Variants in XRN1 observed in about 807,000 individuals in gnomAD.
XRN1 encodes the protein 5'-3' exoribonuclease 1, also known as strand-exchange protein 1 homolog.
XRN1 carries 67 observed loss-of-function variants against 222.3 expected under a neutral mutation model. The observed-to-expected ratio is 0.30, with a 90% CI of 0.25 to 0.37. XRN1 has a LOEUF of 0.37. Ranked by LOEUF, XRN1 falls within the 10% of genes least tolerant of loss-of-function variation. The pLI, the probability that XRN1 is intolerant of heterozygous loss-of-function variation, is 1.00. For missense variants in XRN1, 1,707 were observed against 2,000.2 expected, an observed-to-expected ratio of 0.85 and a Z score of 2.80; for synonymous variants, 643 against 652.4, an observed-to-expected ratio of 0.99 and a Z score of 0.22.
intron 27 of XRN1, among the ~76,000 whole-genome samples, chr3:142,370,050 G>GAAAA (rs1163944480): frequency 2.9e-5 from 2 of 69,966 alleles, no homozygotes; most frequent in African/African-American, 3.9e-5. Flanking sequence ...CTGTCTCAAA[G>GAAAA]AAAAAAAAAA....
In XRN1 at chr3:142,373,544, T is replaced by C. The variant is rs188141650; in HGVS notation, c.2979-2216A>G. Among the ~76,000 whole-genome samples, 334 of 152,244 alleles carry C rather than the reference T, an allele frequency of 2.2e-3. 3 individuals are homozygous for C. Among genetic ancestry groups the C allele is most frequent in the Admixed American group, 4.2e-3 (64 of 15,288 alleles). On this transcript the variant is annotated intron_variant, in intron 25 of 40. Coordinates refer to ENST00000392981, the MANE Select transcript of XRN1 (RefSeq NM_001282857.2). ...AGATCCATACCAAGGCACACATCCT[T>C]ACATTATTAAAAAGCACCAGTAAAG...
intron 33 of XRN1, among the ~76,000 whole-genome samples, chr3:142,339,341 C>T (rs1291006475): frequency 6.6e-6 from 1 of 152,202 alleles, no homozygotes; most frequent in African/African-American, 2.4e-5. Context: ...GATGGCACCT[C>T]TGATCCTGTA....
At chr3:142,330,414 TATG>T (rs1295646158) in intron 36 of XRN1, among the ~76,000 whole-genome samples, 1 of 152,170 alleles carries the variant, frequency 6.6e-6, no homozygotes, top group Non-Finnish European at 1.5e-5. Flanking sequence ...TCACATTCTT[TATG>T]ATTAACAAAC....
At position 142,380,064 on chromosome 3, in the gene XRN1, AC is replaced by A. The variant is rs2067256545; in HGVS notation, c.2715+17del. The A allele has an allele frequency of 1.3e-6, 2 of 1,595,476 alleles. No individual in the cohort carries two copies. Among genetic ancestry groups the A allele is most frequent in the Non-Finnish European group, 1.7e-6 (2 of 1,170,110 alleles). On this transcript the variant is annotated intron_variant, in intron 23 of 40. Coordinates refer to ENST00000392981, the MANE Select transcript of XRN1 (RefSeq NM_001282857.2). ...GTTTATCAATTCTAAATGAAACAAT[AC>A]AAACTACTGTACTCACATGCTGGTT...
chr3:142,365,419 C>T, intron 27 of XRN1, 53 bp from the exon 28 acceptor site: 2 of 1,338,944 alleles, frequency 1.5e-6, no homozygotes, highest in Non-Finnish European at 2.0e-6. Context: ...ATTATAAAAT[C>T]ACTACCTACT....
intron 19 of XRN1, among the ~76,000 whole-genome samples, chr3:142,397,897 T>C (rs1479587825): frequency 6.6e-6 from 1 of 152,194 alleles, no homozygotes; most frequent in Non-Finnish European, 1.5e-5. Context: ...GTCATATACA[T>C]GGATCAAAAT....
chr3:142,340,172 A>G (rs2065954534), intron 33 of XRN1, among the ~76,000 whole-genome samples: 1 of 152,066 alleles, frequency 6.6e-6, no homozygotes, highest in Non-Finnish European at 1.5e-5. Context: ...CCTGACCAAC[A>G]TGGAGAAACC....
rs968482241 is a variant in XRN1 at position 142,332,441 on chromosome 3, G to A, written c.4156C>T (p.Pro1386Ser). The A allele has an allele frequency of 5.0e-6, 8 of 1,613,074 alleles. No individual in the cohort carries two copies. The highest frequency in any genetic ancestry group is 6.8e-6 in the Non-Finnish European group (8 of 1,179,398). ...TCATCTCTTCTGTTAGAGGAAACAG[G>A]GATTTCATTAGCAATCTGTTTGATT... ...NEIKQIANEI[P>S]VSSNRRDEYG... Residue 1386 changes from proline (P) to serine (S), a missense_variant, in exon 36 of 41, where the codon CCT becomes TCT. Pro to Ser is a moderately conservative substitution (Grantham distance 74). This residue lies in a region of XRN1 where 473 missense variants were observed against 482.0 expected (regional missense o/e 0.98). Coordinates refer to ENST00000392981, the MANE Select transcript of XRN1 (RefSeq NM_001282857.2).
intron 2 of XRN1, among the ~76,000 whole-genome samples, chr3:142,427,490 ATAC>A (rs1483749311): frequency 3.9e-5 from 6 of 152,252 alleles, no homozygotes; most frequent in Non-Finnish European, 5.9e-5. Context: ...TTCATTATAT[ATAC>A]TACATCTAAT....
intron 39 of XRN1, among the ~76,000 whole-genome samples, chr3:142,314,193 C>G (rs1269338405): frequency 6.6e-6 from 1 of 152,154 alleles, no homozygotes; most frequent in East Asian, 1.9e-4. Flanking sequence ...AAGTTGTTCT[C>G]TGCTGATTAA....
At chr3:142,371,107 G>A in intron 26 of XRN1, 132 bp downstream of exon 26, 1 of 751,536 alleles carries the variant, frequency 1.3e-6, no homozygotes. Flanking sequence ...CTGCATTCGG[G>A]CAAGAGAGTA....
At chr3:142,389,246 C>T (rs2067625809) in intron 20 of XRN1, among the ~76,000 whole-genome samples, 1 of 152,022 alleles carries the variant, frequency 6.6e-6, no homozygotes, top group Non-Finnish European at 1.5e-5. Context: ...AATTCCTCAT[C>T]CATTCAAGTT....
chr3:142,318,945 A>G lies in XRN1; in HGVS notation c.4405-42T>C, dbSNP rs769993702. ...TATATGTCTATGAAATTCTCTGTCT[A>G]GGAAGTTGACCTCTCCCAAAGTTTA... On this transcript the variant is annotated intron_variant, in intron 37 of 40. Coordinates refer to ENST00000392981, the MANE Select transcript of XRN1 (RefSeq NM_001282857.2). 5.8e-6 allele frequency: 9 copies of G among 1,547,554 alleles called. No homozygotes were observed. The Admixed American group carries it at 1.5e-4, about 27-fold the overall frequency.
intron 39 of XRN1, chr3:142,313,138 G>A (rs768586814): frequency 1.2e-6 from 2 of 1,611,992 alleles, no homozygotes; most frequent in East Asian, 2.2e-5. Flanking sequence ...GATCTCACCT[G>A]CCCCCAATGC....
At chr3:142,324,937 C>T (rs2065476398) in intron 37 of XRN1, among the ~76,000 whole-genome samples, 1 of 152,092 alleles carries the variant, frequency 6.6e-6, no homozygotes, top group African/African-American at 2.4e-5. Flanking sequence ...TATATATACA[C>T]ACACATCTTC....
At chr3:142,437,816 A>G (rs1271609626) in intron 1 of XRN1, among the ~76,000 whole-genome samples, 1 of 152,248 alleles carries the variant, frequency 6.6e-6, no homozygotes, top group Admixed American at 6.5e-5. Context: ...ATTAATAATC[A>G]GAATATACAA....
chr3:142,416,791 G>A (rs948982637), intron 13 of XRN1, among the ~76,000 whole-genome samples: 1 of 152,000 alleles, frequency 6.6e-6, no homozygotes, highest in African/African-American at 2.4e-5. Flanking sequence ...TAGCACTTTG[G>A]GAGGTCAAGG....
chr3:142,348,031 C>T (rs886104725), intron 32 of XRN1, among the ~76,000 whole-genome samples: 1 of 151,972 alleles, frequency 6.6e-6, no homozygotes, highest in African/African-American at 2.4e-5. Flanking sequence ...TAAAGATCCC[C>T]CTAGATTTGC....
At position 142,428,844 on chromosome 3, in the gene XRN1, A is replaced by G. The variant is rs1296287188; in HGVS notation, c.309-2003T>C. ...TTTAGTAGGCATTTGGATATATAGG[A>G]GCTTAGGAGAAAGCGATCCACCAGA... is the stretch of plus-strand genomic sequence containing the variant. On this transcript the variant is annotated intron_variant, in intron 2 of 40. Coordinates refer to ENST00000392981, the MANE Select transcript of XRN1 (RefSeq NM_001282857.2). Among the ~76,000 whole-genome samples, 3 of 152,190 alleles carry G rather than the reference A, an allele frequency of 2.0e-5. No individual in the cohort carries two copies. The East Asian group carries it at 5.8e-4, about 29-fold the overall frequency.
Sources: allele counts gnomAD v4.1 joint callset (sites outside exome capture counted in the v4.1 genomes callset), GRCh38; gene constraint gnomAD v4.1.1; regional missense constraint gnomAD v4.1.1; transcripts MANE v1.5; gene names NCBI Gene and HGNC (gene_info 2026-07-23, HGNC 2026-07-21).